Variants in TMEM131 observed in about 807,000 individuals in gnomAD.
The protein encoded by TMEM131 is 2610524E03Rik.
A neutral mutation model predicts 211.6 loss-of-function variants in TMEM131; 66 were observed. That is an observed-to-expected ratio of 0.31 (90% CI 0.26 to 0.38). TMEM131 has a LOEUF of 0.38. Among genes scored for constraint, TMEM131 ranks in the 10% least tolerant of loss-of-function variants. The pLI is 1.00. For synonymous variants in TMEM131, 844 were observed against 841.3 expected (o/e 1.00, Z -0.06); for missense variants, 2,036 against 2,299.3 (o/e 0.89, Z 2.34).
In TMEM131 at chr2:97,882,659, G is replaced by C. The variant is rs985706578; in HGVS notation, c.359+5393C>G. Among the ~76,000 whole-genome samples the C allele has an allele frequency of 1.3e-5, 2 of 152,156 alleles. 1 individual carries two copies. The highest frequency in any genetic ancestry group is 2.9e-5 in the Non-Finnish European group (2 of 68,026). ...GACTCCCTGGCCCTGTGGGCTTTGA[G>C]CTTGCTTAACCAGCTCTCTCAAATG... On this transcript the variant is annotated intron_variant, in intron 4 of 40. Transcript: ENST00000186436.
At position 97,815,252 on chromosome 2, in the gene TMEM131, C is replaced by T. The variant is rs764523302; in HGVS notation, c.1239G>A (p.Lys413=). 1.9e-6 allele frequency: 3 copies of T among 1,573,168 alleles called. No homozygotes were observed. The Admixed American group carries it at 6.2e-5, about 32-fold the overall frequency. The part of the protein sequence containing the change: ...QFSGKITVKA[K]EKSYSKLEIP... Reference sequence around the variant, plus strand: ...TTTCAAGTTTAGAATAACTCTTTTCCTTTGCTTTAACTGTTATTTTCCCAG... The same window carrying T: ...TTTCAAGTTTAGAATAACTCTTTTCTTTTGCTTTAACTGTTATTTTCCCAG... The change falls in exon 13 of 41, where the codon AAG becomes AAA. Residue 413 remains lysine, a synonymous_variant. Coordinates refer to ENST00000186436, the MANE Select transcript of TMEM131 (RefSeq NM_015348.2).
At chr2:97,790,089 C>G (rs181412935) in intron 31 of TMEM131, among the ~76,000 whole-genome samples, 1 of 152,236 alleles carries the variant, frequency 6.6e-6, no homozygotes, top group Non-Finnish European at 1.5e-5. Context: ...AAAAAAAGAA[C>G]GTGTTGCCTC....
intron 1 of TMEM131, among the ~76,000 whole-genome samples, chr2:97,966,488 T>A (rs1158966585): frequency 6.6e-6 from 1 of 152,196 alleles, no homozygotes; most frequent in Non-Finnish European, 1.5e-5. Context: ...AGGCCAGGAA[T>A]CACCCCTTCT....
intron 3 of TMEM131, among the ~76,000 whole-genome samples, chr2:97,905,830 G>A (rs1676043609): frequency 6.6e-6 from 1 of 152,162 alleles, no homozygotes; most frequent in East Asian, 1.9e-4. Context: ...TCACCTGGAT[G>A]CCACCGGCCC....
intron 1 of TMEM131, among the ~76,000 whole-genome samples, chr2:97,972,664 C>T (rs1007198864): frequency 2.0e-5 from 3 of 152,150 alleles, no homozygotes; most frequent in African/African-American, 7.2e-5. Flanking sequence ...GGGAATTAAG[C>T]TCCCAGATGC....
At chr2:97,931,007 G>A (rs1382237614) in intron 1 of TMEM131, among the ~76,000 whole-genome samples, 2 of 151,970 alleles carry the variant, frequency 1.3e-5, no homozygotes, top group South Asian at 2.1e-4. Context: ...AAAGTGGCTA[G>A]AGAAAAGTAT....
At position 97,760,618 on chromosome 2, in the gene TMEM131, G is replaced by A. The variant is rs1462753148; in HGVS notation, c.5083C>T (p.Pro1695Ser). The A allele has an allele frequency of 6.2e-7, 1 of 1,612,544 alleles. No individual in the cohort carries two copies. The highest frequency in any genetic ancestry group is 1.7e-5 in the Admixed American group (1 of 59,810). Residue 1695 changes from proline to serine, a missense_variant, in exon 38 of 41, where the codon CCT becomes TCT. This residue lies in a region of TMEM131 where 1,623 missense variants were observed against 1,805.9 expected (regional missense o/e 0.90). Transcript: ENST00000186436. The part of the protein sequence containing the change: ...FSSSLGISHA[P>S]VDSDGSDSSG... ...CTGTCTGAGCCATCGCTGTCAACAG[G>A]AGCGTGTGAAATGCCAAGGCTGCTG...
intron 19 of TMEM131, among the ~76,000 whole-genome samples, chr2:97,809,321 C>G (rs749928303): frequency 3.9e-5 from 6 of 152,206 alleles, no homozygotes; most frequent in Non-Finnish European, 8.8e-5. Flanking sequence ...TGCGCCCTGG[C>G]CCTAGATTCA....
intron 17 of TMEM131, 137 bp downstream of exon 17, chr2:97,812,284 G>T: frequency 1.1e-6 from 1 of 941,216 alleles, no homozygotes; most frequent in Non-Finnish European, 1.5e-6. Flanking sequence ...TACCTATAAG[G>T]TCCTTTTAAT....
At chr2:97,932,777 A>C (rs2104460794) in intron 1 of TMEM131, among the ~76,000 whole-genome samples, 1 of 152,044 alleles carries the variant, frequency 6.6e-6, no homozygotes, top group Non-Finnish European at 1.5e-5. Context: ...TCTAAAAACT[A>C]AGCTATTACT....
chr2:97,797,569 T>C (rs538391263), intron 25 of TMEM131, 53 bp from the exon 26 acceptor site: 5 of 1,506,466 alleles, frequency 3.3e-6, no homozygotes, highest in East Asian at 2.3e-5. Flanking sequence ...TCTGGAAGAA[T>C]GTTTCTTCGC....
chr2:97,763,627 C>A (rs1678992807), intron 35 of TMEM131: 1 of 152,552 alleles, frequency 6.6e-6, no homozygotes, highest in Non-Finnish European at 1.5e-5. Flanking sequence ...GTACAACTGT[C>A]CTGACCCTTC....
Position 97,834,601 on chromosome 2 carries a change from C to T in TMEM131, c.1012+20G>A. ...AAAAAAAAAAAACTCCATAAAGACT[C>T]TTTTAAAAGATTTTTTTACCTTGTG... On this transcript the variant is annotated intron_variant, in intron 10 of 40. Coordinates refer to ENST00000186436, the MANE Select transcript of TMEM131 (RefSeq NM_015348.2). 2 of 1,503,286 alleles carry T rather than the reference C, an allele frequency of 1.3e-6. No individual in the cohort carries two copies. The highest frequency in any genetic ancestry group is 1.3e-5 in the South Asian group (1 of 76,690). The allele number at this position is 1,503,286 out of a possible 1,614,324, so 93.1% of individuals were successfully genotyped here.
At chr2:97,793,914 A>C (rs942636195) in intron 29 of TMEM131, among the ~76,000 whole-genome samples, 2 of 143,292 alleles carry the variant, frequency 1.4e-5, no homozygotes, top group African/African-American at 2.6e-5. Context: ...GAATGGCATG[A>C]ACCCGGGAGG....
intron 1 of TMEM131, among the ~76,000 whole-genome samples, chr2:97,972,151 T>C (rs935620759): frequency 2.6e-5 from 4 of 152,062 alleles, no homozygotes; most frequent in Admixed American, 2.6e-4. Flanking sequence ...AAGGCTGCAG[T>C]GAGCCGAGAT....
chr2:97,980,035 G>A (rs2104636947), intron 1 of TMEM131, among the ~76,000 whole-genome samples: 1 of 152,298 alleles, frequency 6.6e-6, no homozygotes, highest in African/African-American at 2.4e-5. Flanking sequence ...AGCCTGAGGA[G>A]GGGCGAGAAG....
At chr2:97,810,725 G>A (rs548754818) in intron 18 of TMEM131, among the ~76,000 whole-genome samples, 1 of 152,222 alleles carries the variant, frequency 6.6e-6, no homozygotes, top group African/African-American at 2.4e-5. Context: ...CTCAGATTAG[G>A]ACATGATCTC....
chr2:97,812,721 T>C lies in TMEM131; in HGVS notation c.1646A>G (p.Glu549Gly), dbSNP rs764886761. ...DYFVLPPKIE[E>G]RFIDFGVLSA... is the part of the protein sequence containing the mutation. ...CAGTACTCCAAAATCTATGAAACGT[T>C]CCTCTATTTTGGGGGGCAATACAAA... The change falls in exon 16 of 41, where the codon GAA becomes GGA. Residue 549 changes from glutamate (E) to glycine (G), a missense_variant. Physicochemically the swap from Glu to Gly is moderately conservative, Grantham distance 98. Transcript: ENST00000186436. 3 of 1,589,398 alleles carry C rather than the reference T, an allele frequency of 1.9e-6. No homozygotes were observed. The highest frequency in any genetic ancestry group is 1.9e-5 in the Admixed American group (1 of 53,190).
chr2:97,977,915 C>G (rs1446224731), intron 1 of TMEM131, among the ~76,000 whole-genome samples: 3 of 151,858 alleles, frequency 2.0e-5, no homozygotes, highest in African/African-American at 7.3e-5. Flanking sequence ...GTGAAACCCC[C>G]GTCTCTATTA....
Sources: gnomAD v4.1 joint callset for allele counts (sites outside exome capture counted in the v4.1 genomes callset) on GRCh38, gnomAD v4.1.1 for gene constraint, gnomAD v4.1.1 regional missense constraint, MANE v1.5 for transcripts, NCBI Gene and HGNC (gene_info 2026-07-23, HGNC 2026-07-21) for gene names.